PPP1R9A: variants seen among roughly 807,000 people sequenced by gnomAD.
PPP1R9A encodes the protein protein phosphatase 1 regulatory subunit 9A, also known as neurabin-1.
PPP1R9A carries 59 observed loss-of-function variants against 141.9 expected under a neutral mutation model. The ratio of observed to expected loss-of-function variants is 0.42; its 90% CI spans 0.34 to 0.52. The LOEUF is 0.52. Ranked by LOEUF, PPP1R9A falls within the 20% of genes least tolerant of loss-of-function variation. The pLI is 0.10. For synonymous variants in PPP1R9A, 500 were observed against 569.7 expected, an observed-to-expected ratio of 0.88 and a Z score of 1.74; for missense variants, 1,444 against 1,611.9, an observed-to-expected ratio of 0.90 and a Z score of 1.78.
intron 2 of PPP1R9A, among the ~76,000 whole-genome samples, chr7:95,064,667 T>C (rs778212054): frequency 8.5e-5 from 13 of 152,186 alleles, no homozygotes; most frequent in Non-Finnish European, 1.9e-4. Context: ...CTCTACAGAT[T>C]TGAGGTAACA....
chr7:94,940,590 A>G (rs991830145), intron 2 of PPP1R9A, among the ~76,000 whole-genome samples: 1 of 152,054 alleles, frequency 6.6e-6, no homozygotes, highest in Non-Finnish European at 1.5e-5. Flanking sequence ...TTAAAGTAAA[A>G]TAAGTTGGCT....
chr7:95,242,416 A>G (rs1797582848), intron 8 of PPP1R9A, among the ~76,000 whole-genome samples: 1 of 152,184 alleles, frequency 6.6e-6, no homozygotes, highest in African/African-American at 2.4e-5. Context: ...TCCTGCAAAG[A>G]TATTTTTCAC....
chr7:94,974,301 A>G (rs989253831), intron 2 of PPP1R9A, among the ~76,000 whole-genome samples: 1 of 152,196 alleles, frequency 6.6e-6, no homozygotes, highest in Non-Finnish European at 1.5e-5. Flanking sequence ...ATGGTAAACA[A>G]GTTCCTAGCC....
intron 4 of PPP1R9A, among the ~76,000 whole-genome samples, chr7:95,121,310 G>A (rs1822522802): frequency 6.6e-6 from 1 of 152,136 alleles, no homozygotes; most frequent in Non-Finnish European, 1.5e-5. Context: ...AGGTTCTTGG[G>A]TGCACCTAAA....
At chr7:95,218,895 A>G (rs1389637769) in intron 7 of PPP1R9A, among the ~76,000 whole-genome samples, 1 of 152,194 alleles carries the variant, frequency 6.6e-6, no homozygotes, top group Non-Finnish European at 1.5e-5. Context: ...TGAATACAGC[A>G]CACTGATGGG....
At chr7:95,017,181 G>A (rs1805225550) in intron 2 of PPP1R9A, among the ~76,000 whole-genome samples, 1 of 152,100 alleles carries the variant, frequency 6.6e-6, no homozygotes, top group South Asian at 2.1e-4. Flanking sequence ...CTAGCCTCTA[G>A]AACTGCAAGA....
intron 2 of PPP1R9A, among the ~76,000 whole-genome samples, chr7:94,985,236 T>G (rs1800661825): frequency 3.3e-5 from 5 of 151,538 alleles, no homozygotes; most frequent in Admixed American, 3.3e-4. Context: ...TGCTGAGGAG[T>G]GCTTTACTAT....
At chr7:94,938,577 C>A (rs898414292) in intron 2 of PPP1R9A, among the ~76,000 whole-genome samples, 2 of 150,384 alleles carry the variant, frequency 1.3e-5, no homozygotes, top group African/African-American at 4.9e-5. Context: ...TCTTTTTTTT[C>A]TGTCATCTTC....
intron 2 of PPP1R9A, among the ~76,000 whole-genome samples, chr7:94,980,947 C>T (rs1384540138): frequency 6.6e-6 from 1 of 152,122 alleles, no homozygotes. Flanking sequence ...TTACCACTGC[C>T]TATTTGAAGG....
intron 4 of PPP1R9A, among the ~76,000 whole-genome samples, chr7:95,145,749 T>C (rs1827492665): frequency 6.6e-6 from 1 of 152,068 alleles, no homozygotes; most frequent in African/African-American, 2.4e-5. Context: ...GAACATGTGG[T>C]GTTTGGTTTT....
chr7:95,056,995 TA>T (rs1281700971), intron 2 of PPP1R9A, among the ~76,000 whole-genome samples: 1 of 152,152 alleles, frequency 6.6e-6, no homozygotes. Context: ...TTTACTGCTT[TA>T]AAAATTGTTG....
chr7:95,017,013 G>A (rs991795049), intron 2 of PPP1R9A, among the ~76,000 whole-genome samples: 5 of 152,068 alleles, frequency 3.3e-5, no homozygotes, highest in African/African-American at 1.2e-4. Flanking sequence ...GAGACGCAGT[G>A]GGAAGACAGC....
chr7:94,953,798 C>T (rs1321827726), intron 2 of PPP1R9A, among the ~76,000 whole-genome samples: 4 of 152,022 alleles, frequency 2.6e-5, no homozygotes, highest in African/African-American at 9.7e-5. Flanking sequence ...GTAATTTTGG[C>T]AGATTGATTT....
At chr7:94,914,367 G>T (rs1390810403) in intron 2 of PPP1R9A, among the ~76,000 whole-genome samples, 1 of 151,936 alleles carries the variant, frequency 6.6e-6, no homozygotes, top group Non-Finnish European at 1.5e-5. Flanking sequence ...CTTAAATCTG[G>T]ACTTAGAAAA....
Position 95,068,290 on chromosome 7 carries a change from T to A in PPP1R9A, c.1396-42969T>A, listed in dbSNP as rs138978677. Among the ~76,000 whole-genome samples the A allele has an allele frequency of 5.7e-3, 860 of 151,294 alleles. 10 individuals carry two copies. The highest frequency in any genetic ancestry group is 0.02 in the African/African-American group (818 of 41,298). The stretch of plus-strand genomic sequence containing the variant: ...TTTGAGACCAGCCTGGCCAACATGG[T>A]GAAAGCCCATCTCTACTAAAAATAC... On this transcript the variant is annotated intron_variant, in intron 2 of 19. Coordinates refer to ENST00000433360, the MANE Select transcript of PPP1R9A (RefSeq NM_001166160.2).
chr7:95,181,002 A>C (rs1833660502), intron 5 of PPP1R9A, among the ~76,000 whole-genome samples: 1 of 151,902 alleles, frequency 6.6e-6, no homozygotes, highest in African/African-American at 2.4e-5. Flanking sequence ...CTACCATGTG[A>C]TCCAGCAATC....
Position 95,205,637 on chromosome 7 carries a change from A to G in PPP1R9A, c.1956+1907A>G, listed in dbSNP as rs779386046. On this transcript the variant is annotated intron_variant, in intron 7 of 19. Transcript: ENST00000433360. ...ATTTTCTATGCCTTTTGTTTCCTAT[A>G]CCTTTTATGGTGTCTAGTACACTGA... 5.1e-4 allele frequency among the ~76,000 whole-genome samples: 77 copies of G among 152,072 alleles called. 1 individual carries two copies. The highest frequency in any genetic ancestry group is 1.6e-4 in the Non-Finnish European group (11 of 68,010).
chr7:94,994,549 A>G (rs1801920811), intron 2 of PPP1R9A, among the ~76,000 whole-genome samples: 1 of 152,174 alleles, frequency 6.6e-6, no homozygotes, highest in Non-Finnish European at 1.5e-5. Context: ...TTTATTAGGA[A>G]TAATGTTAGA....
At chr7:95,213,867 G>A (rs1346154823) in intron 7 of PPP1R9A, among the ~76,000 whole-genome samples, 1 of 152,126 alleles carries the variant, frequency 6.6e-6, no homozygotes, top group Non-Finnish European at 1.5e-5. Flanking sequence ...ACTGTGTTTA[G>A]AAGTCTACTT....
Sources: allele counts gnomAD v4.1 joint callset (sites outside exome capture counted in the v4.1 genomes callset), GRCh38; gene constraint gnomAD v4.1.1; transcripts MANE v1.5; gene names NCBI Gene and HGNC (gene_info 2026-07-23, HGNC 2026-07-21).